WASL: variants seen among roughly 807,000 people sequenced by gnomAD.
The protein encoded by WASL is WASP like actin nucleation promoting factor, also known as actin nucleation-promoting factor WASL.
WASL carries 20 observed loss-of-function variants against 55.5 expected under a neutral mutation model. The ratio of observed to expected loss-of-function variants is 0.36; its 90% confidence interval spans 0.25 to 0.52. The LOEUF (loss-of-function observed/expected upper bound fraction) is 0.52. WASL is among the 20% of genes least tolerant of loss of function. The pLI is 0.92. For missense variants in WASL, 504 were observed against 622.5 expected, an observed-to-expected ratio of 0.81 and a Z score of 2.03; for synonymous variants, 249 against 217.6, an observed-to-expected ratio of 1.14 and a Z score of -1.27.
chr7:123,692,837 C>G lies in WASL; in HGVS notation c.857G>C (p.Gly286Ala). The G allele has an allele frequency of 7.2e-7, 1 of 1,387,972 alleles. No homozygotes were observed. Among genetic ancestry groups the G allele is most frequent in the Non-Finnish European group, 9.4e-7 (1 of 1,067,106 alleles). 86.0% of individuals were successfully genotyped at this position (1,387,972 alleles called of 1,614,324 possible). Reference protein sequence around the residue: ...APPPPPPSRGGPPPPPPPPHN... With the variant: ...APPPPPPSRGAPPPPPPPPHN... ...TGGAGGGGGAGGAGGAGGAGGTGGC[C>G]CTCCCCTTGATGGTGGTGGAGGTGG... is the stretch of plus-strand genomic sequence containing the variant. The change falls in exon 9 of 11, where the codon GGG (glycine) becomes GCG (alanine). Residue 286 changes from glycine to alanine, a missense_variant. Gly to Ala is a moderately conservative substitution (Grantham distance 60). Transcript: ENST00000223023.
chr7:123,741,777 C>G (rs1156266863), intron 1 of WASL, among the ~76,000 whole-genome samples: 1 of 152,064 alleles, frequency 6.6e-6, no homozygotes, highest in Non-Finnish European at 1.5e-5. Flanking sequence ...AAAAATCTTA[C>G]TATAGAAGAC....
chr7:123,701,017 T>C (rs1352245288), intron 5 of WASL, among the ~76,000 whole-genome samples: 1 of 152,194 alleles, frequency 6.6e-6, no homozygotes, highest in Non-Finnish European at 1.5e-5. Context: ...AAGTTTAAAA[T>C]GGTATTCTAG....
At chr7:123,717,605 G>A (rs1478316374) in intron 1 of WASL, among the ~76,000 whole-genome samples, 1 of 152,200 alleles carries the variant, frequency 6.6e-6, no homozygotes, top group African/African-American at 2.4e-5. Flanking sequence ...TCAGGGGTCA[G>A]GGACAGTGGT....
chr7:123,717,565 G>T (rs891537251), intron 1 of WASL, among the ~76,000 whole-genome samples: 19 of 152,224 alleles, frequency 1.2e-4, no homozygotes, highest in Admixed American at 9.2e-4. Flanking sequence ...TGCTGGGTGT[G>T]ACATACTATG....
intron 5 of WASL, among the ~76,000 whole-genome samples, chr7:123,702,418 T>A (rs1363106502): frequency 6.6e-6 from 1 of 152,030 alleles, no homozygotes; most frequent in Admixed American, 6.5e-5. Flanking sequence ...GAAACACCAC[T>A]GTTATATAAA....
chr7:123,702,601 A>G (rs1803609734), intron 5 of WASL, among the ~76,000 whole-genome samples: 1 of 152,200 alleles, frequency 6.6e-6, no homozygotes, highest in African/African-American at 2.4e-5. Flanking sequence ...CTGAACATGT[A>G]CAGAACATTC....
At chr7:123,739,463 A>G (rs73441471) in intron 1 of WASL, among the ~76,000 whole-genome samples, 1 of 152,254 alleles carries the variant, frequency 6.6e-6, no homozygotes, top group Admixed American at 6.5e-5. Flanking sequence ...ATATGCATTC[A>G]GTAGAAACCA....
intron 5 of WASL, among the ~76,000 whole-genome samples, chr7:123,699,532 T>TAA (rs1444611018): frequency 2.0e-5 from 3 of 152,312 alleles, no homozygotes; most frequent in Non-Finnish European, 4.4e-5. Flanking sequence ...TTAGCTTATA[T>TAA]AAAAGCCATC....
chr7:123,745,272 T>C (rs1804412670), intron 1 of WASL, among the ~76,000 whole-genome samples: 1 of 152,118 alleles, frequency 6.6e-6, no homozygotes, highest in Admixed American at 6.5e-5. Flanking sequence ...AAATCAACTA[T>C]CTGATTTCCC....
At chr7:123,698,979 C>T (rs907988676) in intron 5 of WASL, among the ~76,000 whole-genome samples, 2 of 152,164 alleles carry the variant, frequency 1.3e-5, no homozygotes, top group Non-Finnish European at 2.9e-5. Context: ...CTTATCTTTA[C>T]CAGTCAGTAT....
intron 1 of WASL, among the ~76,000 whole-genome samples, chr7:123,713,057 T>G (rs940670130): frequency 2.0e-5 from 3 of 152,154 alleles, no homozygotes; most frequent in Non-Finnish European, 4.4e-5. Context: ...AATACTAAAA[T>G]GATTTAATAC....
chr7:123,722,749 G>A (rs567359825), intron 1 of WASL, among the ~76,000 whole-genome samples: 328 of 152,214 alleles, frequency 2.2e-3, no homozygotes, highest in South Asian at 3.7e-3. Context: ...AGGTTGCAGT[G>A]AGCCAAGATC....
rs181068547 is a variant in WASL, at chr7:123,730,316, T to C, written c.117+18302A>G. 2.8e-3 allele frequency among the ~76,000 whole-genome samples: 432 copies of C among 152,246 alleles called. 13 individuals are homozygous for C. The highest frequency in any genetic ancestry group is 3.2e-4 in the Non-Finnish European group (22 of 67,992). Reference sequence around the variant, plus strand: ...TGGTGAATAATTTTTTTCTTTTTAATTGATCTCATAGAAAATAGTTTGATT... The same window carrying C: ...TGGTGAATAATTTTTTTCTTTTTAACTGATCTCATAGAAAATAGTTTGATT... On this transcript the variant is annotated intron_variant, in intron 1 of 10. Transcript: ENST00000223023.
chr7:123,748,695 C>T lies in WASL; in HGVS notation c.40G>A (p.Val14Ile), dbSNP rs1804488016. 1 of 1,610,486 alleles carries T rather than the reference C, an allele frequency of 6.2e-7. No individual in the cohort carries two copies. The highest frequency in any genetic ancestry group is 1.3e-5 in the African/African-American group (1 of 74,696). Reference sequence around the variant, plus strand: ...AGCAACAGGGACCCCACGTTGGTGACCCTCCGCGGCGGCGGCGGCTGCTGC... The same window carrying T: ...AGCAACAGGGACCCCACGTTGGTGATCCTCCGCGGCGGCGGCGGCTGCTGC... ...VQQQPPPPRR[V>I]TNVGSLLLTP... The change falls in exon 1 of 11, where the codon GTC (valine) becomes ATC (isoleucine). Residue 14 changes from valine (V) to isoleucine (I), a missense_variant. By Grantham distance (29) the Val-to-Ile change is conservative (BLOSUM62 3). Around this residue, in one of 5 missense-constraint regions of WASL, gnomAD observed 230 missense variants for 271.9 expected, o/e 0.85. Coordinates refer to ENST00000223023, the MANE Select transcript of WASL (RefSeq NM_003941.4).
intron 8 of WASL, among the ~76,000 whole-genome samples, chr7:123,693,870 G>A (rs1462619334): frequency 6.6e-6 from 1 of 152,146 alleles, no homozygotes; most frequent in African/African-American, 2.4e-5. Context: ...GGTGGCTGAG[G>A]CATGAGAATC....
intron 5 of WASL, among the ~76,000 whole-genome samples, chr7:123,697,201 G>A (rs1803507437): frequency 1.3e-5 from 2 of 151,982 alleles, no homozygotes. Flanking sequence ...TAGTCAAGAA[G>A]AAAAAGGGTA....
At chr7:123,715,740 C>T (rs1481591908) in intron 1 of WASL, among the ~76,000 whole-genome samples, 1 of 152,186 alleles carries the variant, frequency 6.6e-6, no homozygotes. Context: ...CACAACCACA[C>T]ACCAATCTTA....
chr7:123,696,663 A>G lies in WASL; in HGVS notation c.545T>C (p.Ile182Thr). ...NRFYGPQVNN[I>T]SHTKEKKKGK... ...CTTCTTCTTTTCTTTGGTATGGGAG[A>G]TGTTGTTGACTTGTGGACCATAAAA... Residue 182 changes from isoleucine to threonine, a missense_variant, in exon 6 of 11, where the codon ATC becomes ACC. Around this residue, in one of 5 missense-constraint regions of WASL, gnomAD observed 230 missense variants for 271.9 expected, o/e 0.85. Transcript: ENST00000223023. 6.2e-7 allele frequency: 1 copy of G among 1,607,702 alleles called. No homozygotes were observed. Among genetic ancestry groups the G allele is most frequent in the Non-Finnish European group, 8.5e-7 (1 of 1,176,816 alleles).
At position 123,691,823 on chromosome 7, in the gene WASL, T is replaced by C. The variant is rs181479409; in HGVS notation, c.1347+524A>G. ...ATCTAAATTTTAGAACATGAAAACT[T>C]TGGAACATGATTTAATTTTCATAAA... On this transcript the variant is annotated intron_variant, in intron 9 of 10. Transcript: ENST00000223023. Among the ~76,000 whole-genome samples the C allele has an allele frequency of 4.0e-3, 616 of 152,354 alleles. 4 individuals are homozygous for C. Among genetic ancestry groups the C allele is most frequent in the Admixed American group, 6.5e-3 (99 of 15,304 alleles).
Sources: gnomAD v4.1 joint callset for allele counts (sites outside exome capture counted in the v4.1 genomes callset) on GRCh38, gnomAD v4.1.1 for gene constraint, gnomAD v4.1.1 regional missense constraint, MANE v1.5 for transcripts, NCBI Gene and HGNC (gene_info 2026-07-23, HGNC 2026-07-21) for gene names.